The following RERE variants were observed in gnomAD, a reference collection of about 807,000 sequenced individuals.
RERE encodes arginine-glutamic acid dipeptide repeats.
In RERE, 40 loss-of-function variants were observed where a neutral mutation model predicts 146.1. That is an observed-to-expected ratio of 0.27 (90% confidence interval 0.21 to 0.36). The LOEUF (loss-of-function observed/expected upper bound fraction) is 0.36, where lower values mean the gene tolerates loss of function less well. RERE is among the 10% of genes least tolerant of loss of function. RERE has a pLI of 1.00. For missense variants in RERE, 1,933 were observed against 2,138.7 expected (o/e 0.90, Z 1.90); for synonymous variants, 1,003 against 866.0 (o/e 1.16, Z -2.78).
chr1:8,679,022 T>C (rs1638906844), intron 1 of RERE, among the ~76,000 whole-genome samples: 1 of 152,254 alleles, frequency 6.6e-6, no homozygotes, highest in South Asian at 2.1e-4. Context: ...ACATTTCAGG[T>C]GCTTACTAGC....
At chr1:8,616,281 A>T (rs576205793) in intron 3 of RERE, among the ~76,000 whole-genome samples, 442 of 152,312 alleles carry the variant, frequency 2.9e-3, no homozygotes, top group African/African-American at 9.9e-3. Flanking sequence ...AAAACATTTT[A>T]TATATTTTAA....
intron 11 of RERE, among the ~76,000 whole-genome samples, chr1:8,427,041 C>T (rs1339606218): frequency 1.3e-5 from 2 of 152,116 alleles, no homozygotes; most frequent in African/African-American, 2.4e-5. Context: ...TATTTATTAA[C>T]GATGAGGTCT....
At position 8,359,834 on chromosome 1, in the gene RERE, T is replaced by A; in HGVS notation, c.3548A>T (p.Glu1183Val). 1.2e-6 allele frequency: 2 copies of A among 1,609,536 alleles called. No individual in the cohort carries two copies. The highest frequency in any genetic ancestry group is 1.7e-6 in the Non-Finnish European group (2 of 1,179,914). The part of the protein sequence containing the change: ...EAEQKAREER[E>V]REKEKEKERE... ...CTCCTTCTCCTTCTCCTTCTCCCGC[T>A]CTCGCTCCTCTCGGGCTTTCTGCTC... The change falls in exon 19 of 23, where the codon GAG becomes GTG. Residue 1183 changes from glutamate to valine, a missense_variant. Coordinates refer to ENST00000400908, the MANE Select transcript of RERE (RefSeq NM_001042681.2).
At chr1:8,385,819 A>T (rs1642618557) in intron 12 of RERE, among the ~76,000 whole-genome samples, 2 of 149,352 alleles carry the variant, frequency 1.3e-5, no homozygotes, top group Admixed American at 1.3e-4. Context: ...AAAAAAAAAA[A>T]TTAGCTGGAC....
intron 4 of RERE, among the ~76,000 whole-genome samples, chr1:8,605,928 T>G (rs977680006): frequency 7.3e-6 from 1 of 137,794 alleles, no homozygotes; most frequent in Non-Finnish European, 1.5e-5. Flanking sequence ...CACTGCAGCC[T>G]CAGCCTCCTG....
At chr1:8,627,109 TTATCAGTTCCA>T (rs1259687865) in intron 2 of RERE, among the ~76,000 whole-genome samples, 2 of 152,136 alleles carry the variant, frequency 1.3e-5, no homozygotes, top group Non-Finnish European at 2.9e-5. Context: ...TTAGAATTAG[TTATCAGTTCCA>T]TATGGAGTAA....
chr1:8,486,746 A>G (rs1437916093), intron 10 of RERE, among the ~76,000 whole-genome samples: 1 of 127,756 alleles, frequency 7.8e-6, no homozygotes, highest in Non-Finnish European at 1.6e-5. Context: ...GGCAACGTGG[A>G]GTCCATCTTA....
intron 4 of RERE, among the ~76,000 whole-genome samples, chr1:8,562,583 G>A (rs920270979): frequency 6.6e-6 from 1 of 152,118 alleles, no homozygotes; most frequent in East Asian, 1.9e-4. Flanking sequence ...CGACCTCCCA[G>A]GCTCAAGTGA....
At chr1:8,414,648 A>T (rs1357944176) in intron 12 of RERE, among the ~76,000 whole-genome samples, 2 of 151,954 alleles carry the variant, frequency 1.3e-5, no homozygotes, top group Non-Finnish European at 2.9e-5. Context: ...ACACTTGAGC[A>T]GAACAAAGAA....
chr1:8,506,274 C>T, intron 8 of RERE, among the ~76,000 whole-genome samples: 1 of 152,176 alleles, frequency 6.6e-6, no homozygotes, highest in Admixed American at 6.5e-5. Context: ...AACACACCAA[C>T]AAAAGACTCT....
chr1:8,636,242 C>T (rs2124268627), intron 2 of RERE, among the ~76,000 whole-genome samples: 1 of 152,358 alleles, frequency 6.6e-6, no homozygotes, highest in South Asian at 2.1e-4. Flanking sequence ...CCCACCTCGG[C>T]CTCCCAAAGT....
intron 12 of RERE, among the ~76,000 whole-genome samples, chr1:8,386,022 A>ATATAT (rs1186333936): frequency 3.8e-4 from 10 of 26,638 alleles, no homozygotes; most frequent in South Asian, 2.9e-3. Context: ...ATATATATAT[A>ATATAT]TTTTTTTTTT....
chr1:8,805,586 T>G (rs943031285), intron 1 of RERE, among the ~76,000 whole-genome samples: 9 of 150,916 alleles, frequency 6.0e-5, no homozygotes, highest in African/African-American at 2.2e-4. Flanking sequence ...GAGGCGGAGG[T>G]TGCAGTGAGC....
intron 2 of RERE, among the ~76,000 whole-genome samples, chr1:8,652,924 C>T (rs1647701604): frequency 6.6e-6 from 1 of 152,208 alleles, no homozygotes; most frequent in African/African-American, 2.4e-5. Context: ...ACCTTGACCT[C>T]CTGTGCTCAA....
intron 12 of RERE, among the ~76,000 whole-genome samples, chr1:8,410,705 C>T (rs568764713): frequency 2.2e-4 from 34 of 152,330 alleles, no homozygotes; most frequent in African/African-American, 8.2e-4. Flanking sequence ...AAACACCCAT[C>T]CTTCAAAGAG....
intron 4 of RERE, 55 bp from the exon 5 acceptor site, chr1:8,557,578 C>CAT: frequency 1.7e-6 from 2 of 1,148,322 alleles, no homozygotes; most frequent in East Asian, 4.7e-5. Flanking sequence ...GCCACAAGTG[C>CAT]ATATCATACC....
chr1:8,627,835 A>G (rs1646993109), intron 2 of RERE, among the ~76,000 whole-genome samples: 1 of 152,202 alleles, frequency 6.6e-6, no homozygotes, highest in Non-Finnish European at 1.5e-5. Context: ...ACATTCAAGA[A>G]AAGTGCCTGT....
chr1:8,413,264 CAT>C (rs780579277), intron 12 of RERE, among the ~76,000 whole-genome samples: 6 of 152,142 alleles, frequency 3.9e-5, no homozygotes, highest in Non-Finnish European at 8.8e-5. Context: ...TTCATGCACA[CAT>C]GTGTGCAGAG....
At chr1:8,361,689 C>G in intron 17 of RERE, 74 bp downstream of exon 17, 1 of 1,428,612 alleles carries the variant, frequency 7.0e-7, no homozygotes, top group African/African-American at 1.4e-5. Flanking sequence ...CGGCCACCAA[C>G]TAGGGAGAAC....
Sources: allele counts gnomAD v4.1 joint callset (sites outside exome capture counted in the v4.1 genomes callset), GRCh38; gene constraint gnomAD v4.1.1; transcripts MANE v1.5; gene names NCBI Gene and HGNC (gene_info 2026-07-23, HGNC 2026-07-21).